Variants in DNAH7 observed in about 807,000 individuals in gnomAD.
DNAH7 encodes axonemal beta dynein heavy chain 7.
Under a neutral mutation model 444.6 loss-of-function variants are expected in DNAH7, and 397 were observed. The observed-to-expected ratio is 0.89, with a 90% CI of 0.82 to 0.97. DNAH7 has a LOEUF of 0.97. Ranked by LOEUF, DNAH7 falls within the 50% of genes least tolerant of loss-of-function variation. The probability of loss-of-function intolerance (pLI) is 0.00; values close to 1 mark genes in which losing one functional copy is unlikely to be tolerated. For synonymous variants in DNAH7, 1,636 were observed against 1,624.4 expected (o/e 1.01, Z -0.17); for missense variants, 4,902 against 4,800.8 (o/e 1.02, Z -0.62).
intron 63 of DNAH7, among the ~76,000 whole-genome samples, chr2:195,751,213 G>A (rs1385327411): frequency 6.6e-6 from 1 of 152,132 alleles, no homozygotes; most frequent in Non-Finnish European, 1.5e-5. Flanking sequence ...GGCATCTGTG[G>A]CTGAAAAATA....
intron 24 of DNAH7, 39 bp from the exon 25 acceptor site, chr2:195,910,234 T>G: frequency 1.4e-6 from 2 of 1,467,150 alleles, no homozygotes; most frequent in Non-Finnish European, 1.8e-6. Context: ...TAGAATAATG[T>G]GATTTTTTTT....
chr2:195,913,134 T>C (rs1276710465), intron 24 of DNAH7, among the ~76,000 whole-genome samples: 1 of 152,130 alleles, frequency 6.6e-6, no homozygotes, highest in Non-Finnish European at 1.5e-5. Context: ...TGCTTTCTGC[T>C]TGCATCCTAA....
In DNAH7 at chr2:195,922,204, TAAATCAA is replaced by T; in HGVS notation, c.3826-14_3826-8del. ...TTGTTTCTAAATGATTTTCCTAGGA[TAAATCAA>T]ATAAAATGAAGTTAAACAATAAAAT... is the stretch of plus-strand genomic sequence containing the variant. On this transcript the variant is annotated splice_polypyrimidine_tract_variant and splice_region_variant and intron_variant, in intron 23 of 64. Coordinates refer to ENST00000312428, the MANE Select transcript of DNAH7 (RefSeq NM_018897.3). The T allele has an allele frequency of 6.7e-7, 1 of 1,495,578 alleles. No homozygotes were observed. Among genetic ancestry groups the T allele is most frequent in the South Asian group, 1.1e-5 (1 of 87,692 alleles). The allele number at this position is 1,495,578 out of a possible 1,614,324, so 92.6% of individuals were successfully genotyped here. A position where few individuals can be genotyped will look rare whatever the true frequency, so the allele number is the denominator to read the frequency against.
At chr2:195,860,936 T>TAA (rs774121020) in intron 42 of DNAH7, among the ~76,000 whole-genome samples, 9 of 152,114 alleles carry the variant, frequency 5.9e-5, no homozygotes, top group Non-Finnish European at 1.0e-4. Flanking sequence ...TAAAAGTACT[T>TAA]AAGGCTTACC....
intron 25 of DNAH7, among the ~76,000 whole-genome samples, chr2:195,909,703 A>T (rs1315381555): frequency 1.3e-5 from 2 of 152,218 alleles, no homozygotes; most frequent in Non-Finnish European, 2.9e-5. Flanking sequence ...CTGTAGGTTA[A>T]AGATGTCTTT....
At chr2:195,947,399 T>C (rs1238730478) in intron 19 of DNAH7, among the ~76,000 whole-genome samples, 3 of 151,390 alleles carry the variant, frequency 2.0e-5, no homozygotes, top group Non-Finnish European at 4.4e-5. Context: ...CCCTATCAAC[T>C]AGTCATCTAC....
At chr2:195,884,861 T>C in intron 34 of DNAH7, 52 bp from the exon 35 acceptor site, 1 of 1,471,274 alleles carries the variant, frequency 6.8e-7, no homozygotes, top group Non-Finnish European at 9.3e-7. Context: ...AATTTTAATC[T>C]GTCCTTGAAG....
At chr2:195,939,082 C>T (rs952036151) in intron 19 of DNAH7, among the ~76,000 whole-genome samples, 4 of 152,002 alleles carry the variant, frequency 2.6e-5, no homozygotes, top group African/African-American at 9.7e-5. Context: ...CTCTCAAAAT[C>T]GGTATGAGGA....
At chr2:195,773,516 C>T (rs760717731) in intron 60 of DNAH7, among the ~76,000 whole-genome samples, 6 of 151,570 alleles carry the variant, frequency 4.0e-5, no homozygotes, top group Non-Finnish European at 8.8e-5. Context: ...ATTTCTCACA[C>T]ACAAAGATCA....
At chr2:195,932,083 T>A (rs1688737188) in intron 21 of DNAH7, among the ~76,000 whole-genome samples, 1 of 152,234 alleles carries the variant, frequency 6.6e-6, no homozygotes, top group South Asian at 2.1e-4. Flanking sequence ...TTTGTTTGTA[T>A]CCTCTTTTAT....
At chr2:195,749,139 G>GA (rs1269310719) in intron 63 of DNAH7, among the ~76,000 whole-genome samples, 7 of 151,604 alleles carry the variant, frequency 4.6e-5, no homozygotes, top group East Asian at 3.9e-4. Flanking sequence ...AAATTTACAA[G>GA]AAAAAAACAA....
chr2:196,020,136 G>T (rs1353313345), intron 8 of DNAH7, among the ~76,000 whole-genome samples: 2 of 151,850 alleles, frequency 1.3e-5, no homozygotes, highest in East Asian at 3.8e-4. Context: ...CTAGCTTATT[G>T]TAAGAATTCA....
At chr2:195,940,142 C>T (rs1400426860) in intron 19 of DNAH7, among the ~76,000 whole-genome samples, 2 of 152,126 alleles carry the variant, frequency 1.3e-5, no homozygotes, top group African/African-American at 4.8e-5. Context: ...GCTACAGTAA[C>T]CAAAACAGCA....
intron 21 of DNAH7, among the ~76,000 whole-genome samples, chr2:195,933,325 G>T (rs952488349): frequency 6.6e-6 from 1 of 152,200 alleles, no homozygotes; most frequent in Admixed American, 6.5e-5. Context: ...TTCAACCATT[G>T]TGAAAGTCAG....
Position 195,923,688 on chromosome 2 carries a change from G to T in DNAH7, c.3732C>A (p.Val1244=). 1 of 1,614,004 alleles carries T rather than the reference G, an allele frequency of 6.2e-7. No individual in the cohort carries two copies. The highest frequency in any genetic ancestry group is 1.3e-5 in the African/African-American group (1 of 75,004). ...VTLGALVVLD[V]HARDVLSSLV... ...GTGATGAGAGGACATCTCTAGCATG[G>T]ACATCCAGTACCACAAGTGCTCCCA... is the stretch of plus-strand genomic sequence containing the variant. Residue 1244 remains valine, a synonymous_variant, in exon 23 of 65, where the codon GTC becomes GTA. Coordinates refer to ENST00000312428, the MANE Select transcript of DNAH7 (RefSeq NM_018897.3).
chr2:195,941,537 G>A (rs1387646), intron 19 of DNAH7, among the ~76,000 whole-genome samples: 44,749 of 149,648 alleles, frequency 0.3, 9,336 homozygotes, highest in African/African-American at 0.59. Flanking sequence ...ACAAACCTGC[G>A]TGTTCTGCAC....
At chr2:196,031,293 C>A (rs1187868734) in intron 5 of DNAH7, among the ~76,000 whole-genome samples, 1 of 152,202 alleles carries the variant, frequency 6.6e-6, no homozygotes, top group East Asian at 1.9e-4. Context: ...AAGTCCCTAG[C>A]CTGCACACAG....
intron 1 of DNAH7, 168 bp downstream of exon 1, chr2:196,068,529 C>T: frequency 1.2e-6 from 1 of 836,930 alleles, no homozygotes; most frequent in Non-Finnish European, 1.8e-6. Flanking sequence ...CTTATAAGGG[C>T]ATTCACGGAA....
At chr2:195,853,651 A>G in intron 45 of DNAH7, 123 bp from the exon 46 acceptor site, 1 of 970,762 alleles carries the variant, frequency 1.0e-6, no homozygotes, top group Non-Finnish European at 1.5e-6. Flanking sequence ...GGGATTTCCT[A>G]TATCACTATG....
Sources: gnomAD v4.1 joint callset for allele counts (sites outside exome capture counted in the v4.1 genomes callset) on GRCh38, gnomAD v4.1.1 for gene constraint, MANE v1.5 for transcripts, NCBI Gene and HGNC (gene_info 2026-07-23, HGNC 2026-07-21) for gene names.